CEP135: variants seen among roughly 807,000 people sequenced by gnomAD.
The protein encoded by CEP135 is centrosomal protein of 135 kDa.
CEP135 carries 142 observed loss-of-function variants against 157.3 expected under a neutral mutation model. The ratio of observed to expected loss-of-function variants is 0.90; its 90% confidence interval spans 0.79 to 1.04. The LOEUF (loss-of-function observed/expected upper bound fraction) is 1.04. CEP135 is among the 50% of genes least tolerant of loss of function. The pLI, the probability that CEP135 is intolerant of heterozygous loss-of-function variation, is 0.00. For missense variants in CEP135, 1,317 were observed against 1,309.2 expected, an observed-to-expected ratio of 1.01 and a Z score of -0.09; for synonymous variants, 396 against 439.8, an observed-to-expected ratio of 0.90 and a Z score of 1.25.
chr4:56,021,097 A>T (rs565578066), intron 24 of CEP135, among the ~76,000 whole-genome samples: 1 of 152,324 alleles, frequency 6.6e-6, no homozygotes, highest in South Asian at 2.1e-4. Context: ...CGCAGGACAA[A>T]ATTAGAATCC....
chr4:56,005,677 A>G (rs572706577), intron 17 of CEP135, among the ~76,000 whole-genome samples: 1 of 152,134 alleles, frequency 6.6e-6, no homozygotes, highest in African/African-American at 2.4e-5. Context: ...TCTGTATTTA[A>G]TTTTACCAGT....
intron 22 of CEP135, among the ~76,000 whole-genome samples, chr4:56,019,101 A>G (rs1191046094): frequency 6.6e-6 from 1 of 152,228 alleles, no homozygotes; most frequent in African/African-American, 2.4e-5. Flanking sequence ...ATAAGGTACC[A>G]TGACTAAAAA....
chr4:55,973,068 G>A (rs1243206250), intron 10 of CEP135, among the ~76,000 whole-genome samples: 1 of 152,110 alleles, frequency 6.6e-6, no homozygotes, highest in Non-Finnish European at 1.5e-5. Context: ...ATAGCTATGT[G>A]TGGCCTATCA....
At chr4:55,978,079 T>A (rs1729280502) in intron 11 of CEP135, among the ~76,000 whole-genome samples, 1 of 152,166 alleles carries the variant, frequency 6.6e-6, no homozygotes, top group Admixed American at 6.5e-5. Context: ...TTATTCACAA[T>A]TATACATTAA....
chr4:55,986,025 A>G (rs1296758716), intron 14 of CEP135, among the ~76,000 whole-genome samples: 2 of 152,210 alleles, frequency 1.3e-5, no homozygotes, highest in African/African-American at 2.4e-5. Flanking sequence ...ACTTGGGTTC[A>G]GATCCATCTT....
At chr4:55,990,177 C>T (rs1729738323) in intron 14 of CEP135, among the ~76,000 whole-genome samples, 1 of 152,272 alleles carries the variant, frequency 6.6e-6, no homozygotes, top group African/African-American at 2.4e-5. Context: ...TCAAGAGTTC[C>T]ATTATCTCTG....
chr4:56,008,460 C>A, intron 18 of CEP135, 78 bp downstream of exon 18: 2 of 1,103,560 alleles, frequency 1.8e-6, no homozygotes, highest in South Asian at 1.4e-5. Context: ...AGTAGCATTG[C>A]AGCAATAGAA....
At chr4:55,965,941 C>A in intron 8 of CEP135, 82 bp downstream of exon 8, 1 of 1,190,580 alleles carries the variant, frequency 8.4e-7, no homozygotes, top group Non-Finnish European at 1.2e-6. Context: ...TTGATATCTG[C>A]ATTCAGGTTT....
At chr4:56,030,628 A>AT (rs1384663219) in intron 25 of CEP135, among the ~76,000 whole-genome samples, 1 of 151,624 alleles carries the variant, frequency 6.6e-6, no homozygotes, top group African/African-American at 2.4e-5. Context: ...TAATTTTTGT[A>AT]TTTTTTTATA....
intron 14 of CEP135, among the ~76,000 whole-genome samples, chr4:55,990,520 G>A (rs1326115049): frequency 6.6e-6 from 1 of 152,100 alleles, no homozygotes; most frequent in African/African-American, 2.4e-5. Context: ...TAAAGAGACA[G>A]AGTCTTGCTC....
intron 20 of CEP135, 45 bp downstream of exon 20, chr4:56,011,567 T>C: frequency 7.5e-7 from 1 of 1,338,272 alleles, no homozygotes; most frequent in Non-Finnish European, 1.0e-6. Context: ...AGGTTTTTTT[T>C]TTTTTTAACT....
At chr4:55,957,177 A>G (rs1728534950) in intron 4 of CEP135, 46 bp from the exon 5 acceptor site, 3 of 1,595,008 alleles carry the variant, frequency 1.9e-6, no homozygotes, top group East Asian at 2.2e-5. Context: ...ATTCTAAGAC[A>G]TGGTTTTGTT....
At chr4:56,006,103 G>A (rs569458416) in intron 17 of CEP135, among the ~76,000 whole-genome samples, 43 of 152,018 alleles carry the variant, frequency 2.8e-4, no homozygotes, top group Non-Finnish European at 5.1e-4. Context: ...TCTGACCTTC[G>A]TACACCAGGA....
intron 25 of CEP135, among the ~76,000 whole-genome samples, chr4:56,028,818 C>A (rs937037884): frequency 6.6e-6 from 1 of 152,174 alleles, no homozygotes; most frequent in African/African-American, 2.4e-5. Flanking sequence ...TATTCTCCAG[C>A]AGACACCAAT....
intron 25 of CEP135, among the ~76,000 whole-genome samples, chr4:56,030,301 GATTAA>G (rs1311902873): frequency 1.3e-5 from 2 of 152,160 alleles, no homozygotes; most frequent in African/African-American, 4.8e-5. Context: ...TTAAAATAAT[GATTAA>G]AAGCATAGCA....
At chr4:55,995,633 A>T (rs1729945294) in intron 15 of CEP135, among the ~76,000 whole-genome samples, 1 of 152,204 alleles carries the variant, frequency 6.6e-6, no homozygotes, top group African/African-American at 2.4e-5. Flanking sequence ...ACTAAATAAT[A>T]ATTTTCTATT....
chr4:56,023,921 T>C (rs1394475103), intron 24 of CEP135, among the ~76,000 whole-genome samples: 1 of 138,756 alleles, frequency 7.2e-6, no homozygotes, highest in Non-Finnish European at 1.5e-5. Flanking sequence ...AAGTAGTGGA[T>C]AAAAGATTTT....
chr4:55,980,098 A>C (rs763519567), intron 11 of CEP135, 45 bp from the exon 12 acceptor site: 1 of 1,483,264 alleles, frequency 6.7e-7, no homozygotes, highest in Admixed American at 1.9e-5. Flanking sequence ...TCCTTGTGAC[A>C]ACCATGTGGT....
At chr4:56,011,367 GGTGTT>G in intron 19 of CEP135, 40 bp from the exon 20 acceptor site, 1 of 1,213,256 alleles carries the variant, frequency 8.2e-7, no homozygotes, top group Non-Finnish European at 1.2e-6. Flanking sequence ...AAATTTATTT[GGTGTT>G]GTGTTCATTT....
Sources: gnomAD v4.1 joint callset for allele counts (sites outside exome capture counted in the v4.1 genomes callset) on GRCh38, gnomAD v4.1.1 for gene constraint, MANE v1.5 for transcripts, NCBI Gene and HGNC (gene_info 2026-07-23, HGNC 2026-07-21) for gene names.